The following TTC29 variants were observed in gnomAD, a reference collection of about 807,000 sequenced individuals.
TTC29 encodes tetratricopeptide repeat domain 29, also known as tetratricopeptide repeat protein 29.
Under a neutral mutation model 58.1 loss-of-function variants are expected in TTC29, and 49 were observed. The ratio of observed to expected loss-of-function variants is 0.84; its 90% CI spans 0.67 to 1.07. TTC29 has a LOEUF of 1.07. TTC29 is among the 50% of genes least tolerant of loss of function. The pLI is 0.00. For synonymous variants in TTC29, 209 were observed against 196.8 expected, an observed-to-expected ratio of 1.06 and a Z score of -0.52; for missense variants, 582 against 555.6, an observed-to-expected ratio of 1.05 and a Z score of -0.48.
chr4:146,943,600 G>A (rs1286517977), intron 2 of TTC29, among the ~76,000 whole-genome samples: 2 of 152,080 alleles, frequency 1.3e-5, no homozygotes, highest in African/African-American at 2.4e-5. Flanking sequence ...GAATCAATAC[G>A]TGGCCACATA....
At chr4:146,938,890 T>C (rs1736096576) in intron 3 of TTC29, among the ~76,000 whole-genome samples, 1 of 152,160 alleles carries the variant, frequency 6.6e-6, no homozygotes, top group Non-Finnish European at 1.5e-5. Context: ...TAAAAGTCAA[T>C]AGAATTACAA....
intron 11 of TTC29, among the ~76,000 whole-genome samples, chr4:146,708,308 TTA>T (rs59963230): frequency 0.016 from 1,000 of 62,026 alleles, 7 homozygotes; most frequent in African/African-American, 0.03. Context: ...TATGGGAAGT[TTA>T]TATATATATA....
chr4:146,760,557 T>G (rs1746806953), intron 11 of TTC29, among the ~76,000 whole-genome samples: 1 of 151,490 alleles, frequency 6.6e-6, no homozygotes, highest in African/African-American at 2.4e-5. Flanking sequence ...CCATAGTCAC[T>G]AAAACAGCAT....
At chr4:146,775,753 T>C (rs894229202) in intron 11 of TTC29, among the ~76,000 whole-genome samples, 19 of 152,154 alleles carry the variant, frequency 1.2e-4, no homozygotes, top group Admixed American at 2.6e-4. Flanking sequence ...TCTTGTATAA[T>C]ATCTTGCAGG....
At chr4:146,829,713 A>G (rs893110616) in intron 9 of TTC29, among the ~76,000 whole-genome samples, 1 of 152,190 alleles carries the variant, frequency 6.6e-6, no homozygotes, top group Non-Finnish European at 1.5e-5. Flanking sequence ...TTCACACTTG[A>G]AACTTTGTAC....
chr4:146,808,141 CAT>C (rs1443950852), intron 10 of TTC29, among the ~76,000 whole-genome samples: 1 of 152,174 alleles, frequency 6.6e-6, no homozygotes, highest in Non-Finnish European at 1.5e-5. Context: ...ACAAAAACCA[CAT>C]GATTATCACA....
chr4:146,910,841 G>A (rs189744710), intron 4 of TTC29, among the ~76,000 whole-genome samples: 4 of 152,296 alleles, frequency 2.6e-5, no homozygotes, highest in African/African-American at 9.6e-5. Context: ...TTGAAATGGG[G>A]AAGAGAAAAG....
intron 2 of TTC29, among the ~76,000 whole-genome samples, chr4:146,942,009 A>G (rs190841633): frequency 6.3e-4 from 96 of 152,346 alleles, no homozygotes; most frequent in Admixed American, 4.8e-3. Context: ...GTGCAGAAGC[A>G]CTAAGACGAG....
chr4:146,789,265 C>A (rs986057520), intron 11 of TTC29, among the ~76,000 whole-genome samples: 2 of 152,156 alleles, frequency 1.3e-5, no homozygotes, highest in East Asian at 1.9e-4. Flanking sequence ...CCTTGCATTA[C>A]CACCTTAAAA....
intron 9 of TTC29, among the ~76,000 whole-genome samples, chr4:146,824,410 A>C (rs1354131869): frequency 6.6e-6 from 1 of 151,982 alleles, no homozygotes; most frequent in Non-Finnish European, 1.5e-5. Context: ...ACATTTATTG[A>C]TTTGCTTATG....
intron 4 of TTC29, among the ~76,000 whole-genome samples, chr4:146,915,555 A>G (rs1196825470): frequency 1.3e-5 from 2 of 152,218 alleles, no homozygotes; most frequent in Admixed American, 6.6e-5. Context: ...ACAAACATTT[A>G]AAAGGATAAA....
intron 11 of TTC29, among the ~76,000 whole-genome samples, chr4:146,771,589 C>A (rs2150074603): frequency 6.6e-6 from 1 of 152,214 alleles, no homozygotes; most frequent in Non-Finnish European, 1.5e-5. Context: ...AGGACATGAT[C>A]TCATTCCTTT....
At chr4:146,800,214 G>T (rs1225526215) in intron 11 of TTC29, among the ~76,000 whole-genome samples, 1 of 152,056 alleles carries the variant, frequency 6.6e-6, no homozygotes, top group Non-Finnish European at 1.5e-5. Context: ...CCCTCTGAAA[G>T]GTATAAAGAT....
At chr4:146,758,899 C>T (rs1045139112) in intron 11 of TTC29, among the ~76,000 whole-genome samples, 8 of 151,912 alleles carry the variant, frequency 5.3e-5, no homozygotes, top group African/African-American at 1.2e-4. Flanking sequence ...TGAAAGAGCA[C>T]GAACTGACAC....
At chr4:146,810,725 G>T (rs773477988) in intron 10 of TTC29, among the ~76,000 whole-genome samples, 35 of 151,552 alleles carry the variant, frequency 2.3e-4, no homozygotes, top group Non-Finnish European at 2.9e-4. Flanking sequence ...CGAGTAGCTG[G>T]GATTACAGGC....
intron 11 of TTC29, among the ~76,000 whole-genome samples, chr4:146,802,478 C>A (rs1251986347): frequency 6.6e-6 from 1 of 152,174 alleles, no homozygotes; most frequent in African/African-American, 2.4e-5. Flanking sequence ...GATCTTTCCT[C>A]TTTTTTATAA....
At chr4:146,882,390 T>C (rs1371817740) in intron 6 of TTC29, among the ~76,000 whole-genome samples, 1 of 152,142 alleles carries the variant, frequency 6.6e-6, no homozygotes, top group Non-Finnish European at 1.5e-5. Context: ...GTGTATAATG[T>C]ATAAAAAGTA....
intron 11 of TTC29, among the ~76,000 whole-genome samples, chr4:146,739,211 G>A (rs1027334005): frequency 3.3e-5 from 5 of 152,168 alleles, no homozygotes; most frequent in South Asian, 2.1e-4. Flanking sequence ...AAAGGTGGAC[G>A]TGTTTTGGTA....
intron 11 of TTC29, among the ~76,000 whole-genome samples, chr4:146,790,624 G>T (rs1261881406): frequency 3.3e-5 from 5 of 151,926 alleles, no homozygotes; most frequent in Non-Finnish European, 5.9e-5. Flanking sequence ...TATACATGTA[G>T]GTGGAAAGTC....
Sources: gnomAD v4.1 joint callset for allele counts (sites outside exome capture counted in the v4.1 genomes callset) on GRCh38, gnomAD v4.1.1 for gene constraint, MANE v1.5 for transcripts, NCBI Gene and HGNC (gene_info 2026-07-23, HGNC 2026-07-21) for gene names.